The following KLRG1 variants were observed in gnomAD, a reference collection of about 807,000 sequenced individuals.
KLRG1 encodes killer cell lectin-like receptor subfamily G member 1.
A neutral mutation model predicts 21.8 loss-of-function variants in KLRG1; 16 were observed. The ratio of observed to expected loss-of-function variants is 0.73; its 90% CI spans 0.50 to 1.11. The LOEUF (loss-of-function observed/expected upper bound fraction) is 1.11, where lower values mean the gene tolerates loss of function less well. Among genes scored for constraint, KLRG1 ranks in the 50% most tolerant of loss-of-function variants. The pLI is 0.00. For missense variants in KLRG1, 173 were observed against 218.3 expected, an observed-to-expected ratio of 0.79 and a Z score of 1.31; for synonymous variants, 69 against 75.9, an observed-to-expected ratio of 0.91 and a Z score of 0.47.
chr12:9,169,730 G>T, the KLRG1 span: 1 of 748,424 alleles, frequency 1.3e-6, no homozygotes, highest in Non-Finnish European at 1.9e-6. Flanking sequence ...GATAGTTGAA[G>T]ATTTTCCTTA....
chr12:9,000,736 A>C (rs915788264), intron 3 of KLRG1, among the ~76,000 whole-genome samples: 9 of 152,234 alleles, frequency 5.9e-5, no homozygotes, highest in African/African-American at 2.2e-4. Flanking sequence ...ATATGGATAT[A>C]CTACATTTTG....
downstream of KLRG1, among the ~76,000 whole-genome samples, chr12:9,014,598 A>C (rs1178520302): frequency 1.3e-5 from 2 of 152,190 alleles, no homozygotes; most frequent in African/African-American, 4.8e-5. Flanking sequence ...CTGTTGTATA[A>C]GAAATGCTAA....
the KLRG1 span, among the ~76,000 whole-genome samples, chr12:9,022,852 A>G: frequency 6.6e-6 from 1 of 152,180 alleles, no homozygotes; most frequent in Non-Finnish European, 1.5e-5. Flanking sequence ...ATAAAAACCC[A>G]AAAGAACTTG....
chr12:9,078,490 G>A, the KLRG1 span, among the ~76,000 whole-genome samples: 48 of 152,068 alleles, frequency 3.2e-4, no homozygotes, highest in Non-Finnish European at 5.0e-4. Flanking sequence ...AAATAGTGCC[G>A]CGATAAACAT....
the KLRG1 span, among the ~76,000 whole-genome samples, chr12:9,199,810 A>G: frequency 2.0e-5 from 3 of 152,214 alleles, no homozygotes; most frequent in Non-Finnish European, 4.4e-5. Context: ...TGATAGGTAC[A>G]TGAAATTGTG....
At chr12:8,958,888 A>G (rs775971321) in intron 1 of KLRG1, among the ~76,000 whole-genome samples, 2 of 152,146 alleles carry the variant, frequency 1.3e-5, no homozygotes, top group Admixed American at 1.3e-4. Context: ...TGGGGTTACA[A>G]TTGGGGTTGA....
At chr12:9,145,308 G>T in the KLRG1 span, among the ~76,000 whole-genome samples, 57 of 151,984 alleles carry the variant, frequency 3.8e-4, 2 homozygotes, top group African/African-American at 1.3e-3. Flanking sequence ...AATATACTTT[G>T]ATTTTTAAAT....
chr12:9,021,105 G>T, the KLRG1 span, among the ~76,000 whole-genome samples: 1 of 152,068 alleles, frequency 6.6e-6, no homozygotes, highest in South Asian at 2.1e-4. Context: ...ATAAAAAATG[G>T]TACACCTGCA....
the KLRG1 span, among the ~76,000 whole-genome samples, chr12:9,094,314 C>T: frequency 7.4e-6 from 1 of 135,264 alleles, no homozygotes; most frequent in African/African-American, 2.8e-5. Context: ...TATTTCACAA[C>T]CAGCTCTCTG....
At chr12:9,084,697 A>G in the KLRG1 span, among the ~76,000 whole-genome samples, 2,568 of 152,266 alleles carry the variant, frequency 0.017, 77 homozygotes, top group African/African-American at 0.059. Flanking sequence ...CCTTGAATGC[A>G]AATGGACTAA....
chr12:9,101,082 C>T, the KLRG1 span: 171 of 1,444,124 alleles, frequency 1.2e-4, no homozygotes, highest in Middle Eastern at 5.2e-4. Flanking sequence ...CTGATACTTC[C>T]GTGGTGTAAG....
chr12:9,112,232 A>C, the KLRG1 span: 2 of 1,613,704 alleles, frequency 1.2e-6, no homozygotes, highest in Admixed American at 1.7e-5. Context: ...AATATTTTTC[A>C]TGAGCCCCCA....
chr12:9,116,239 G>T, the KLRG1 span: 101 of 279,360 alleles, frequency 3.6e-4, no homozygotes, highest in African/African-American at 2.1e-3. Flanking sequence ...TGAATAGCTG[G>T]CAAGGAAAAC....
At chr12:9,111,527 T>G in the KLRG1 span, 121 of 456,540 alleles carry the variant, frequency 2.7e-4, no homozygotes, top group Non-Finnish European at 4.9e-4. Context: ...TGAATATATT[T>G]TAAGCCAACA....
chr12:9,122,032 C>G, the KLRG1 span, among the ~76,000 whole-genome samples: 1 of 152,140 alleles, frequency 6.6e-6, no homozygotes, highest in East Asian at 1.9e-4. Context: ...TGTAGGAACC[C>G]TGTTGCTTAT....
intron 1 of KLRG1, among the ~76,000 whole-genome samples, chr12:8,968,188 A>G (rs550031820): frequency 7.2e-5 from 11 of 152,082 alleles, no homozygotes; most frequent in Non-Finnish European, 1.6e-4. Flanking sequence ...TCCAATTAAA[A>G]CGGGTCGTCA....
At chr12:8,978,640 T>TTTTCTTTC (rs202186076) in intron 1 of KLRG1, among the ~76,000 whole-genome samples, 4,567 of 107,722 alleles carry the variant, frequency 0.042, 96 homozygotes, top group South Asian at 0.077. Flanking sequence ...TTTTTCTTTC[T>TTTTCTTTC]TTTCTTTCTT....
chr12:9,205,978 A>G, the KLRG1 span, among the ~76,000 whole-genome samples: 1 of 152,162 alleles, frequency 6.6e-6, no homozygotes, highest in Non-Finnish European at 1.5e-5. Flanking sequence ...ATGAATCTCC[A>G]GGGCCACTCT....
At chr12:9,168,978 G>GA in the KLRG1 span, 8 of 1,603,856 alleles carry the variant, frequency 5.0e-6, no homozygotes, top group East Asian at 4.5e-5. Flanking sequence ...CCATCCCCTG[G>GA]AAAAAAATAA....
Sources: allele counts gnomAD v4.1 joint callset (sites outside exome capture counted in the v4.1 genomes callset), GRCh38; gene constraint gnomAD v4.1.1; transcripts MANE v1.5; gene names NCBI Gene and HGNC (gene_info 2026-07-23, HGNC 2026-07-21).